TCF12: variants seen among roughly 807,000 people sequenced by gnomAD.
The protein encoded by TCF12 is DNA-binding protein HTF4.
Under a neutral mutation model 86.0 loss-of-function variants are expected in TCF12, and 45 were observed. That is an observed-to-expected ratio of 0.52 (90% CI 0.41 to 0.67). The LOEUF is 0.67. Ranked by LOEUF, TCF12 falls within the 30% of genes least tolerant of loss-of-function variation. The pLI is 0.00. For synonymous variants in TCF12, 330 were observed against 299.6 expected (o/e 1.10, Z -1.05); for missense variants, 881 against 859.9 (o/e 1.02, Z -0.31).
chr15:57,123,767 C>T (rs998617389), intron 5 of TCF12, among the ~76,000 whole-genome samples: 2 of 151,778 alleles, frequency 1.3e-5, no homozygotes, highest in Non-Finnish European at 2.9e-5. Flanking sequence ...CTGGCTAACA[C>T]AGTGAAACCC....
At chr15:57,182,311 A>T (rs1465610823) in intron 6 of TCF12, among the ~76,000 whole-genome samples, 2 of 152,122 alleles carry the variant, frequency 1.3e-5, no homozygotes, top group Admixed American at 6.5e-5. Flanking sequence ...AGAAAAATAT[A>T]TTATTTTATT....
chr15:56,949,610 T>A (rs76424169), intron 3 of TCF12, among the ~76,000 whole-genome samples: 6,144 of 152,314 alleles, frequency 0.04, 370 homozygotes, highest in Admixed American at 0.17. Context: ...TTAAAAGAGT[T>A]GAGCTGTAAG....
At chr15:57,064,861 A>C (rs552985156) in intron 4 of TCF12, among the ~76,000 whole-genome samples, 1 of 151,806 alleles carries the variant, frequency 6.6e-6, no homozygotes, top group East Asian at 1.9e-4. Context: ...TAAGTGAATA[A>C]ATTTCTCATT....
chr15:56,992,544 T>G (rs935874356), intron 3 of TCF12, among the ~76,000 whole-genome samples: 2 of 152,240 alleles, frequency 1.3e-5, no homozygotes, highest in African/African-American at 2.4e-5. Context: ...TAATCACCTG[T>G]AAATGGATCA....
intron 3 of TCF12, among the ~76,000 whole-genome samples, chr15:56,935,571 C>T (rs1488533925): frequency 6.6e-6 from 1 of 152,038 alleles, no homozygotes; most frequent in Non-Finnish European, 1.5e-5. Flanking sequence ...TTGGTGCACC[C>T]ATCACCCAAG....
At chr15:56,919,164 C>T (rs1379404939) in intron 1 of TCF12, 3 of 151,740 alleles carry the variant, frequency 2.0e-5, no homozygotes, top group African/African-American at 4.8e-5. Flanking sequence ...GGCCGGCGCC[C>T]AGGCTCCGGG....
At chr15:56,998,739 T>C (rs1055987631) in intron 3 of TCF12, among the ~76,000 whole-genome samples, 1 of 152,186 alleles carries the variant, frequency 6.6e-6, no homozygotes, top group Non-Finnish European at 1.5e-5. Flanking sequence ...AGAATATACA[T>C]TCTTTCCAAG....
intron 5 of TCF12, among the ~76,000 whole-genome samples, chr15:57,137,441 T>A (rs75294368): frequency 0.041 from 6,297 of 152,322 alleles, 364 homozygotes; most frequent in African/African-American, 0.13. Flanking sequence ...AGGGCTTATA[T>A]TGAAAAATAT....
At chr15:57,102,725 C>G (rs1007740223) in intron 5 of TCF12, among the ~76,000 whole-genome samples, 2 of 151,952 alleles carry the variant, frequency 1.3e-5, no homozygotes, top group Non-Finnish European at 1.5e-5. Flanking sequence ...TCTAAAGTTT[C>G]TGGAGCTATA....
chr15:56,966,930 C>T (rs1352310654), intron 3 of TCF12, among the ~76,000 whole-genome samples: 1 of 152,138 alleles, frequency 6.6e-6, no homozygotes, highest in Non-Finnish European at 1.5e-5. Context: ...TGAGACCAAC[C>T]TGGCCAACAT....
At chr15:57,271,872 C>T (rs2061161257) in intron 18 of TCF12, among the ~76,000 whole-genome samples, 2 of 152,116 alleles carry the variant, frequency 1.3e-5, no homozygotes, top group East Asian at 3.9e-4. Flanking sequence ...TATATTTTGT[C>T]ATTTTGACAA....
At chr15:57,014,571 C>A (rs2065033984) in intron 3 of TCF12, among the ~76,000 whole-genome samples, 1 of 152,144 alleles carries the variant, frequency 6.6e-6, no homozygotes, top group South Asian at 2.1e-4. Flanking sequence ...TTGGGAGTTA[C>A]ATAGATGTAT....
chr15:57,192,165 T>C lies in TCF12; in HGVS notation c.398T>C (p.Leu133Pro), dbSNP rs2151710598. The change falls in exon 7 of 21, where the codon CTC (leucine) becomes CCC (proline). Residue 133 changes from leucine (L) to proline (P), a missense_variant. Around this residue, in one of 3 missense-constraint regions of TCF12, gnomAD observed 766 missense variants for 718.9 expected, o/e 1.07. Transcript: ENST00000333725. ...DTGLPGCQSS[L>P]LRQDLGLGSP... ...CTTGGCCTTATTTTATAGTCTAGTCTCCTGAGACAAGATCTGGGGCTTGGG... is the reference window on the plus strand; with the variant it reads ...CTTGGCCTTATTTTATAGTCTAGTCCCCTGAGACAAGATCTGGGGCTTGGG... The C allele has an allele frequency of 6.2e-7, 1 of 1,613,820 alleles. No individual in the cohort carries two copies. Among genetic ancestry groups the C allele is most frequent in the South Asian group, 1.1e-5 (1 of 91,048 alleles).
intron 4 of TCF12, among the ~76,000 whole-genome samples, chr15:57,078,944 T>A (rs540687064): frequency 6.6e-6 from 1 of 152,352 alleles, no homozygotes; most frequent in African/African-American, 2.4e-5. Context: ...AAGGTAATGC[T>A]GTGACCTTTT....
intron 8 of TCF12, among the ~76,000 whole-genome samples, chr15:57,202,880 C>A (rs1401469006): frequency 3.9e-5 from 6 of 152,030 alleles, no homozygotes; most frequent in African/African-American, 1.2e-4. Flanking sequence ...TGTGGTGTAT[C>A]CTAGATACTC....
At chr15:57,174,950 C>T (rs2055799381) in intron 6 of TCF12, among the ~76,000 whole-genome samples, 1 of 151,892 alleles carries the variant, frequency 6.6e-6, no homozygotes. Context: ...GACCCTGTCT[C>T]TTTAGGGGAA....
intron 3 of TCF12, among the ~76,000 whole-genome samples, chr15:56,939,586 G>T (rs375900902): frequency 6.6e-6 from 1 of 152,150 alleles, no homozygotes. Flanking sequence ...CAAAGATAGT[G>T]CTTTACACTT....
chr15:57,147,144 GA>G (rs1429415388), intron 5 of TCF12, among the ~76,000 whole-genome samples: 1 of 152,150 alleles, frequency 6.6e-6, no homozygotes, highest in African/African-American at 2.4e-5. Context: ...GATATTGGCT[GA>G]ATATAATCCA....
chr15:57,232,920 T>TTATA (rs560027912), intron 11 of TCF12, 64 bp downstream of exon 11: 8 of 1,155,930 alleles, frequency 6.9e-6, no homozygotes, highest in Non-Finnish European at 9.1e-6. Context: ...CCCGATATCT[T>TTATA]TATATATATA....
Sources: allele counts gnomAD v4.1 joint callset (sites outside exome capture counted in the v4.1 genomes callset), GRCh38; gene constraint gnomAD v4.1.1; regional missense constraint gnomAD v4.1.1; transcripts MANE v1.5; gene names NCBI Gene and HGNC (gene_info 2026-07-23, HGNC 2026-07-21).